The following SV2B variants were observed in gnomAD, a reference collection of about 807,000 sequenced individuals.
SV2B encodes the protein solute carrier family 22 member B2.
A neutral mutation model predicts 73.9 loss-of-function variants in SV2B; 41 were observed. The observed-to-expected ratio is 0.56, with a 90% CI of 0.43 to 0.72. The LOEUF (loss-of-function observed/expected upper bound fraction) is 0.72, where lower values mean the gene tolerates loss of function less well. Among genes scored for constraint, SV2B ranks in the 30% least tolerant of loss-of-function variants. The pLI, the probability that SV2B is intolerant of heterozygous loss-of-function variation, is 0.00. For missense variants in SV2B, 764 were observed against 857.8 expected, an observed-to-expected ratio of 0.89 and a Z score of 1.37; for synonymous variants, 314 against 314.2, an observed-to-expected ratio of 1.00 and a Z score of 0.01.
intron 10 of SV2B, among the ~76,000 whole-genome samples, chr15:91,282,556 T>G (rs1436777364): frequency 6.6e-6 from 1 of 152,202 alleles, no homozygotes; most frequent in East Asian, 1.9e-4. Context: ...TTTTTAATCC[T>G]TCTCTTATAG....
intron 1 of SV2B, among the ~76,000 whole-genome samples, chr15:91,191,576 G>C (rs2045032395): frequency 6.6e-6 from 1 of 152,128 alleles, no homozygotes; most frequent in Middle Eastern, 3.2e-3. Context: ...TAAATCCCAA[G>C]GTGTCTCGCT....
chr15:91,137,121 CT>C lies in SV2B; in HGVS notation c.-392+36759del, dbSNP rs2141173552. 6.6e-6 allele frequency among the ~76,000 whole-genome samples: 1 copy of C among 152,278 alleles called. No homozygotes were observed. Among genetic ancestry groups the C allele is most frequent in the Non-Finnish European group, 1.5e-5 (1 of 68,018 alleles). On this transcript the variant is annotated intron_variant, in intron 1 of 12. Transcript: ENST00000394232. The surrounding 1 kb of genome is among the most constrained non-coding windows in gnomAD (Gnocchi z 4.9). Reference sequence around the variant, plus strand: ...AGTCACTGAGCCTCAGTTTCCTCAGCTGGGAGGTGAGAGGGCCAGGTCACAT... The same window carrying C: ...AGTCACTGAGCCTCAGTTTCCTCAGCGGGAGGTGAGAGGGCCAGGTCACAT...
chr15:91,221,861 C>T (rs193274075), intron 1 of SV2B, among the ~76,000 whole-genome samples: 4 of 152,192 alleles, frequency 2.6e-5, no homozygotes, highest in African/African-American at 9.7e-5. Flanking sequence ...AGTTTAACAA[C>T]CTTCACTGGC....
intron 9 of SV2B, among the ~76,000 whole-genome samples, chr15:91,270,916 A>ATGATGGG (rs1567417933): frequency 7.1e-6 from 1 of 140,984 alleles, no homozygotes; most frequent in African/African-American, 2.8e-5. Context: ...AGTCCTGTGG[A>ATGATGGG]CGATGGGAGG....
At chr15:91,244,432 A>G (rs751403489) in intron 2 of SV2B, among the ~76,000 whole-genome samples, 23 of 152,354 alleles carry the variant, frequency 1.5e-4, no homozygotes, top group South Asian at 4.1e-4. Context: ...ATAAAAGACT[A>G]GAAAAGTCGA....
chr15:91,264,789 G>A (rs1040724937), intron 6 of SV2B, among the ~76,000 whole-genome samples: 6 of 152,106 alleles, frequency 3.9e-5, no homozygotes, highest in Admixed American at 2.6e-4. Context: ...GAGTGCACCC[G>A]GAGGAAGGAT....
At chr15:91,235,265 A>G (rs1386026258) in intron 2 of SV2B, among the ~76,000 whole-genome samples, 1 of 152,218 alleles carries the variant, frequency 6.6e-6, no homozygotes, top group Non-Finnish European at 1.5e-5. Flanking sequence ...TATAAGCACC[A>G]TTATTTTCTT....
intron 1 of SV2B, among the ~76,000 whole-genome samples, chr15:91,181,259 G>A (rs1331459881): frequency 1.3e-5 from 2 of 152,096 alleles, no homozygotes; most frequent in Admixed American, 6.6e-5. Context: ...TGGAAGTTTT[G>A]TCTCAGAGGA....
intron 1 of SV2B, among the ~76,000 whole-genome samples, chr15:91,201,733 C>T (rs994641889): frequency 6.6e-6 from 1 of 152,180 alleles, no homozygotes; most frequent in Non-Finnish European, 1.5e-5. Flanking sequence ...CATCTTTTAT[C>T]GGATCCATCT....
chr15:91,191,777 A>G (rs2045042326), intron 1 of SV2B, among the ~76,000 whole-genome samples: 2 of 152,378 alleles, frequency 1.3e-5, no homozygotes, highest in South Asian at 4.1e-4. Context: ...TTTTCAAAAT[A>G]CAACTTGAGA....
chr15:91,199,176 T>C (rs1226800809), intron 1 of SV2B, among the ~76,000 whole-genome samples: 1 of 152,028 alleles, frequency 6.6e-6, no homozygotes, highest in Non-Finnish European at 1.5e-5. Context: ...TATAAACACT[T>C]AAAAAAATCA....
rs941091822 is a variant in SV2B at position 91,220,276 on chromosome 15, G to A, written c.-391-5597G>A. ...TTCTAGCCAACACTTGCTATTGTCTGTCTGTTGATTAGAGCTATTCTAATG... is the reference window on the plus strand; with the variant it reads ...TTCTAGCCAACACTTGCTATTGTCTATCTGTTGATTAGAGCTATTCTAATG... On this transcript the variant is annotated intron_variant, in intron 1 of 12. Coordinates refer to ENST00000394232, the MANE Select transcript of SV2B (RefSeq NM_001323032.3). This position sits in a 1 kb window ranked among gnomAD's most constrained non-coding sequence, Gnocchi z 4.1. Among the ~76,000 whole-genome samples, 9 of 152,228 alleles carry A rather than the reference G, an allele frequency of 5.9e-5. No individual in the cohort carries two copies. The highest frequency in any genetic ancestry group is 1.0e-4 in the Non-Finnish European group (7 of 68,036).
chr15:91,197,914 A>G lies in SV2B; in HGVS notation c.-391-27959A>G, dbSNP rs1323660259. Among the ~76,000 whole-genome samples the G allele has an allele frequency of 6.6e-6, 1 of 152,076 alleles. No individual in the cohort carries two copies. Among genetic ancestry groups the G allele is most frequent in the African/African-American group, 2.4e-5 (1 of 41,418 alleles). On this transcript the variant is annotated intron_variant, in intron 1 of 12. Coordinates refer to ENST00000394232, the MANE Select transcript of SV2B (RefSeq NM_001323032.3). The surrounding 1 kb of genome is among the most constrained non-coding windows in gnomAD (Gnocchi z 4.9). The stretch of plus-strand genomic sequence containing the variant: ...CCAGGCATGGTGGGGGACCCGTGTA[A>G]TCCCAGCTACTTGGCAGGCTGAAGC...
At chr15:91,113,604 T>A (rs1306026055) in intron 1 of SV2B, among the ~76,000 whole-genome samples, 1 of 152,168 alleles carries the variant, frequency 6.6e-6, no homozygotes, top group East Asian at 1.9e-4. Flanking sequence ...AACATCCAAC[T>A]TTTTTCCCGC....
intron 1 of SV2B, among the ~76,000 whole-genome samples, chr15:91,209,272 C>G (rs1445845467): frequency 6.6e-6 from 1 of 152,006 alleles, no homozygotes; most frequent in Non-Finnish European, 1.5e-5. Flanking sequence ...GAGGCATGTG[C>G]CACCATGCCC....
In SV2B at chr15:91,301,326, A is replaced by G. The variant is rs1172855339; in HGVS notation, c.*8774A>G. 4 of 152,170 alleles carry G rather than the reference A, an allele frequency of 2.6e-5. No individual in the cohort carries two copies. The highest frequency in any genetic ancestry group is 2.1e-4 in the South Asian group (1 of 4,838). 9.4% of individuals were successfully genotyped at this position (152,170 alleles called of 1,614,324 possible). On this transcript the variant is annotated 3_prime_UTR_variant, in exon 13 of 13. Transcript: ENST00000394232. This position sits in a 1 kb window ranked among gnomAD's most constrained non-coding sequence, Gnocchi z 4.3. ...CAAAACCCACTTTTGGTCTCTCTTC[A>G]TATTTTTCGTGGTTTCATTTATCTC...
At chr15:91,182,745 C>G (rs866551114) in intron 1 of SV2B, among the ~76,000 whole-genome samples, 8 of 152,168 alleles carry the variant, frequency 5.3e-5, no homozygotes, top group African/African-American at 1.9e-4. Flanking sequence ...ATTATAGGAA[C>G]CTCATCGAAA....
intron 2 of SV2B, among the ~76,000 whole-genome samples, chr15:91,249,953 C>T (rs2047417432): frequency 6.6e-6 from 1 of 152,162 alleles, no homozygotes; most frequent in African/African-American, 2.4e-5. Flanking sequence ...TAAGTAATGC[C>T]AACCTTTCTC....
At position 91,214,745 on chromosome 15, in the gene SV2B, C is replaced by T. The variant is rs1253760623; in HGVS notation, c.-391-11128C>T. On this transcript the variant is annotated intron_variant, in intron 1 of 12. Transcript: ENST00000394232. The surrounding 1 kb of genome is among the most constrained non-coding windows in gnomAD (Gnocchi z 4.7). ...CTTTGTTAGGGCTTCCTTCCCCATTCCACTGGCTCACTTATTTAAGTGTTC... is the reference window on the plus strand; with the variant it reads ...CTTTGTTAGGGCTTCCTTCCCCATTTCACTGGCTCACTTATTTAAGTGTTC... Among the ~76,000 whole-genome samples, 1 of 152,242 alleles carries T rather than the reference C, an allele frequency of 6.6e-6. No individual in the cohort carries two copies. Among genetic ancestry groups the T allele is most frequent in the Non-Finnish European group, 1.5e-5 (1 of 68,046 alleles).
Sources: allele counts gnomAD v4.1 joint callset (sites outside exome capture counted in the v4.1 genomes callset), GRCh38; gene constraint gnomAD v4.1.1; non-coding constraint Gnocchi (gnomAD v3.1); transcripts MANE v1.5; gene names NCBI Gene and HGNC (gene_info 2026-07-23, HGNC 2026-07-21).